The following SLC5A1 variants were observed in gnomAD, a reference collection of about 807,000 sequenced individuals.
SLC5A1 encodes the protein sodium/glucose cotransporter 1.
A neutral mutation model predicts 73.5 loss-of-function variants in SLC5A1; 42 were observed. That is an observed-to-expected ratio of 0.57 (90% confidence interval 0.45 to 0.74). The LOEUF is 0.74. Among genes scored for constraint, SLC5A1 ranks in the 30% least tolerant of loss-of-function variants. The probability of loss-of-function intolerance (pLI) is 0.00; values close to 1 mark genes in which losing one functional copy is unlikely to be tolerated. For missense variants in SLC5A1, 634 were observed against 855.4 expected (o/e 0.74, Z 3.23); for synonymous variants, 300 against 317.4 (o/e 0.95, Z 0.58).
chr22:32,081,779 G>C, intron 5 of SLC5A1, 87 bp from the exon 6 acceptor site: 1 of 827,320 alleles, frequency 1.2e-6, no homozygotes, highest in Non-Finnish European at 2.1e-6. Context: ...AATAAAGCTT[G>C]CTTGGAAAAT....
rs1338553432 is a variant in SLC5A1 at position 32,083,123 on chromosome 22, G to A, written c.633G>A (p.Met211Ile). The A allele has an allele frequency of 1.2e-6, 2 of 1,614,100 alleles. No individual in the cohort carries two copies. Among genetic ancestry groups the A allele is most frequent in the African/African-American group, 2.7e-5 (2 of 74,938 alleles). ...CGGACACCTTGCAGACGGTGATCAT[G>A]CTGGTGGGGTCTTTAATCCTGACTG... ...IYTDTLQTVIMLVGSLILTGF... is the reference protein window; with the variant it reads ...IYTDTLQTVIILVGSLILTGF... Residue 211 changes from methionine (M) to isoleucine (I), a missense_variant, in exon 7 of 15, where the codon ATG (methionine) becomes ATA (isoleucine). Met to Ile is a conservative substitution (Grantham distance 10). Coordinates refer to ENST00000266088, the MANE Select transcript of SLC5A1 (RefSeq NM_000343.4).
intron 2 of SLC5A1, among the ~76,000 whole-genome samples, chr22:32,061,235 C>A (rs1016394966): frequency 6.6e-6 from 1 of 152,020 alleles, no homozygotes; most frequent in Non-Finnish European, 1.5e-5. Context: ...ACCAGCCTAG[C>A]CAATATGGTC....
chr22:32,054,427 A>T (rs1484121004), intron 2 of SLC5A1, among the ~76,000 whole-genome samples: 1 of 152,190 alleles, frequency 6.6e-6, no homozygotes. Context: ...ATTTGAGTCA[A>T]GGGTGAGGTT....
intron 11 of SLC5A1, among the ~76,000 whole-genome samples, chr22:32,096,937 G>A (rs751107556): frequency 1.3e-5 from 2 of 152,214 alleles, no homozygotes; most frequent in Non-Finnish European, 2.9e-5. Flanking sequence ...GCACCCAAAG[G>A]AGATCTGACT....
chr22:32,081,880 G>A lies in SLC5A1; in HGVS notation c.492G>A (p.Ser164=), dbSNP rs145808292. The stretch of plus-strand genomic sequence containing the variant: ...TCTCCTTCCAGGCAGACATCTTCTC[G>A]GGGGCCATATTCATCAATCTGGCCT... ...IFTKISADIF[S]GAIFINLALG... Residue 164 remains serine (S), a synonymous_variant, in exon 6 of 15, where the codon TCG becomes TCA. Transcript: ENST00000266088. 1.1e-5 allele frequency: 18 copies of A among 1,612,450 alleles called. No individual in the cohort carries two copies. Among genetic ancestry groups the A allele is most frequent in the African/African-American group, 5.3e-5 (4 of 74,956 alleles).
intron 5 of SLC5A1, among the ~76,000 whole-genome samples, chr22:32,074,935 T>TACA (rs1453792748): frequency 6.6e-6 from 1 of 152,120 alleles, no homozygotes; most frequent in Non-Finnish European, 1.5e-5. Flanking sequence ...ATTGCTCTGT[T>TACA]GCCCAGGCTG....
chr22:32,093,504 T>C (rs2094021420), intron 11 of SLC5A1, among the ~76,000 whole-genome samples: 1 of 152,220 alleles, frequency 6.6e-6, no homozygotes, highest in Admixed American at 6.5e-5. Context: ...TAGTTTTCCT[T>C]GTAGAGGTCT....
chr22:32,085,225 G>A (rs1227512857), intron 9 of SLC5A1, among the ~76,000 whole-genome samples, 190 bp downstream of exon 9: 3 of 151,938 alleles, frequency 2.0e-5, no homozygotes, highest in Non-Finnish European at 4.4e-5. Flanking sequence ...GGGCCCTAGT[G>A]ACCTTCCTGC....
At chr22:32,094,840 T>C (rs1210420962) in intron 11 of SLC5A1, among the ~76,000 whole-genome samples, 1 of 152,094 alleles carries the variant, frequency 6.6e-6, no homozygotes, top group African/African-American at 2.4e-5. Flanking sequence ...TTCACTTTCT[T>C]TTAGTTCTGC....
rs200691088 is a variant in SLC5A1, at chr22:32,066,997, T to C, written c.270T>C (p.Thr90=). The C allele has an allele frequency of 3.1e-6, 5 of 1,613,806 alleles. No individual in the cohort carries two copies. The South Asian group carries it at 3.3e-5, about 11-fold the overall frequency. The change falls in exon 3 of 15, where the codon ACT becomes ACC. Residue 90 remains threonine, a synonymous_variant. Transcript: ENST00000266088. ...GSGHFVGLAG[T]GAASGIAIGG... is the part of the protein sequence containing the mutation. ...GCCACTTTGTGGGGCTGGCCGGGAC[T>C]GGGGCAGCTTCAGGCATCGCCATTG... is the stretch of plus-strand genomic sequence containing the variant.
At chr22:32,059,043 T>C (rs2093956236) in intron 2 of SLC5A1, 2 of 943,848 alleles carry the variant, frequency 2.1e-6, no homozygotes, top group Middle Eastern at 5.3e-4. Flanking sequence ...TCAGCAGATC[T>C]TTACTGAGTC....
intron 1 of SLC5A1, among the ~76,000 whole-genome samples, chr22:32,047,699 A>G (rs1198139185): frequency 6.6e-6 from 1 of 152,220 alleles, no homozygotes; most frequent in Non-Finnish European, 1.5e-5. Flanking sequence ...ACTAAGTTCA[A>G]TACATCGTTG....
chr22:32,046,820 C>A (rs2093937798), intron 1 of SLC5A1, among the ~76,000 whole-genome samples: 1 of 152,190 alleles, frequency 6.6e-6, no homozygotes, highest in South Asian at 2.1e-4. Flanking sequence ...CCTTCTTTTA[C>A]CCCAGCAGCT....
At chr22:32,059,256 A>G in intron 2 of SLC5A1, 1 of 985,496 alleles carries the variant, frequency 1.0e-6, no homozygotes, top group Non-Finnish European at 1.2e-6. Flanking sequence ...GAAGGCTAGA[A>G]GGTATTTGGG....
rs951843743 is a variant in SLC5A1 at position 32,086,340 on chromosome 22, C to T, written c.1129+13C>T. 6.4e-7 allele frequency: 1 copy of T among 1,564,356 alleles called. No individual in the cohort carries two copies. Among genetic ancestry groups the T allele is most frequent in the African/African-American group, 1.4e-5 (1 of 73,972 alleles). On this transcript the variant is annotated intron_variant, in intron 10 of 14. Coordinates refer to ENST00000266088, the MANE Select transcript of SLC5A1 (RefSeq NM_000343.4). ...CTCATGCCCAATGGTGAGATTCTTT[C>T]TTGGGAGGTTGGTAGAGTCTTTCTT... is the stretch of plus-strand genomic sequence containing the variant.
At chr22:32,105,619 C>T (rs960023877) in intron 14 of SLC5A1, among the ~76,000 whole-genome samples, 3 of 152,078 alleles carry the variant, frequency 2.0e-5, no homozygotes, top group African/African-American at 7.2e-5. Context: ...TTAAAATGTA[C>T]AATTAAGTTT....
chr22:32,088,946 A>G (rs1341465445), intron 10 of SLC5A1, among the ~76,000 whole-genome samples: 1 of 152,120 alleles, frequency 6.6e-6, no homozygotes, highest in Non-Finnish European at 1.5e-5. Flanking sequence ...CTCTATTTTT[A>G]CTTTTGTTAC....
intron 11 of SLC5A1, among the ~76,000 whole-genome samples, chr22:32,097,389 A>T (rs1306958584): frequency 6.6e-6 from 1 of 152,228 alleles, no homozygotes; most frequent in African/African-American, 2.4e-5. Flanking sequence ...GAAATGTGTG[A>T]GTGAAAACAT....
intron 8 of SLC5A1, 81 bp downstream of exon 8, chr22:32,084,740 G>C (rs934769909): frequency 1.4e-5 from 22 of 1,518,196 alleles, no homozygotes; most frequent in Non-Finnish European, 2.0e-5. Flanking sequence ...GGTTTGCAGG[G>C]TTGGGACAGG....
Sources: allele counts gnomAD v4.1 joint callset (sites outside exome capture counted in the v4.1 genomes callset), GRCh38; gene constraint gnomAD v4.1.1; transcripts MANE v1.5; gene names NCBI Gene and HGNC (gene_info 2026-07-23, HGNC 2026-07-21).